FAM216A: variants seen among roughly 807,000 people sequenced by gnomAD.
FAM216A encodes family with sequence similarity 216 member A, also known as protein FAM216A.
Under a neutral mutation model 37.6 loss-of-function variants are expected in FAM216A, and 26 were observed. The observed-to-expected ratio is 0.69, with a 90% CI of 0.51 to 0.96. The LOEUF (loss-of-function observed/expected upper bound fraction) is 0.96. Ranked by LOEUF, FAM216A falls within the 40% of genes least tolerant of loss-of-function variation. The pLI is 0.00. For missense variants in FAM216A, 326 were observed against 339.3 expected (o/e 0.96, Z 0.31); for synonymous variants, 110 against 121.7 (o/e 0.90, Z 0.64).
chr12:110,469,343 T>G, intron 1 of FAM216A: 1 of 291,140 alleles, frequency 3.4e-6, no homozygotes. Context: ...GTTTGCTGTC[T>G]GGCACAGGAC....
chr12:110,488,422 AAAAAAG>A (rs1221180472), intron 6 of FAM216A, among the ~76,000 whole-genome samples: 2 of 151,732 alleles, frequency 1.3e-5, no homozygotes, highest in Non-Finnish European at 2.9e-5. Context: ...AAAAAAAAAA[AAAAAAG>A]AAAAGAAAAG....
At chr12:110,475,516 G>C (rs764255630) in intron 2 of FAM216A, among the ~76,000 whole-genome samples, 2 of 151,500 alleles carry the variant, frequency 1.3e-5, no homozygotes, top group Non-Finnish European at 2.9e-5. Flanking sequence ...TGCTGGGCAG[G>C]CATGAGCCAC....
At chr12:110,483,714 G>A (rs946101362) in intron 2 of FAM216A, among the ~76,000 whole-genome samples, 3 of 151,884 alleles carry the variant, frequency 2.0e-5, no homozygotes, top group Admixed American at 6.6e-5. Flanking sequence ...GCTACTTGGG[G>A]TGCTGAGGCA....
chr12:110,475,755 T>C (rs913287940), intron 2 of FAM216A, among the ~76,000 whole-genome samples: 1 of 150,648 alleles, frequency 6.6e-6, no homozygotes, highest in Non-Finnish European at 1.5e-5. Flanking sequence ...GGTATTTATC[T>C]TAGCTATATT....
intron 2 of FAM216A, among the ~76,000 whole-genome samples, chr12:110,476,550 G>A (rs1047507053): frequency 1.4e-5 from 2 of 148,130 alleles, no homozygotes; most frequent in Non-Finnish European, 3.0e-5. Flanking sequence ...TTTTTGAGAC[G>A]AAGTCTCACT....
chr12:110,486,722 G>A lies in FAM216A; in HGVS notation c.620+5G>A. ...GCCAGTGAGAAACAAAGAAGGGTCTGTTTCTTAGTGTAAAAGGGGGGAAAT... is the reference window on the plus strand; with the variant it reads ...GCCAGTGAGAAACAAAGAAGGGTCTATTTCTTAGTGTAAAAGGGGGGAAAT... On this transcript the variant is annotated splice_donor_5th_base_variant and intron_variant, in intron 5 of 6. Transcript: ENST00000377673. 1.9e-6 allele frequency: 3 copies of A among 1,604,476 alleles called. No homozygotes were observed. The highest frequency in any genetic ancestry group is 2.5e-6 in the Non-Finnish European group (3 of 1,176,704).
At chr12:110,478,219 C>T (rs1349245835) in intron 2 of FAM216A, among the ~76,000 whole-genome samples, 1 of 152,076 alleles carries the variant, frequency 6.6e-6, no homozygotes, top group African/African-American at 2.4e-5. Context: ...CCAGTGGGAG[C>T]CCTTTAAAGA....
At chr12:110,472,323 G>T (rs1029181585) in intron 1 of FAM216A, among the ~76,000 whole-genome samples, 1 of 152,024 alleles carries the variant, frequency 6.6e-6, no homozygotes, top group African/African-American at 2.4e-5. Context: ...CACATGGATA[G>T]CCCAGGAGCC....
At chr12:110,482,638 A>G (rs2062753729) in intron 2 of FAM216A, among the ~76,000 whole-genome samples, 1 of 151,422 alleles carries the variant, frequency 6.6e-6, no homozygotes, top group Admixed American at 6.6e-5. Flanking sequence ...TACTAAAAAT[A>G]CAAAAAATTA....
chr12:110,478,015 T>C (rs1038918220), intron 2 of FAM216A, among the ~76,000 whole-genome samples: 3 of 152,154 alleles, frequency 2.0e-5, no homozygotes, highest in Non-Finnish European at 4.4e-5. Flanking sequence ...CCATATGGAC[T>C]TTTTCTAATT....
chr12:110,479,481 G>A (rs531669776), intron 2 of FAM216A, among the ~76,000 whole-genome samples: 17 of 150,716 alleles, frequency 1.1e-4, no homozygotes, highest in South Asian at 8.3e-4. Flanking sequence ...TATTTGCTTC[G>A]TCCTAAGATG....
intron 2 of FAM216A, among the ~76,000 whole-genome samples, chr12:110,474,208 A>C (rs2062702942): frequency 6.6e-6 from 1 of 152,136 alleles, no homozygotes; most frequent in Admixed American, 6.6e-5. Flanking sequence ...ATTATAGTTC[A>C]GTGTAAAAAA....
chr12:110,480,738 A>AT (rs1436108419), intron 2 of FAM216A, among the ~76,000 whole-genome samples: 3 of 152,120 alleles, frequency 2.0e-5, no homozygotes, highest in Non-Finnish European at 2.9e-5. Flanking sequence ...CTCCGTACCT[A>AT]TAAAACACTA....
upstream of FAM216A, chr12:110,468,454 C>T (rs1409273462): frequency 3.3e-6 from 5 of 1,535,912 alleles, no homozygotes; most frequent in Admixed American, 5.9e-5. Context: ...CGTTGGGATG[C>T]TGTCTAAGCT....
At chr12:110,470,475 A>T (rs2062679121) in intron 1 of FAM216A, among the ~76,000 whole-genome samples, 1 of 135,892 alleles carries the variant, frequency 7.4e-6, no homozygotes, top group Non-Finnish European at 1.6e-5. Flanking sequence ...AGATACGTGA[A>T]TTTTTTTTTT....
At chr12:110,473,252 C>G (rs1265748666) in intron 2 of FAM216A, 134 bp downstream of exon 2, 1 of 395,258 alleles carries the variant, frequency 2.5e-6, no homozygotes, top group Non-Finnish European at 4.8e-6. Context: ...CACTCTGTTG[C>G]CTGGGCTGGA....
chr12:110,477,519 AT>A (rs1209064741), intron 2 of FAM216A, among the ~76,000 whole-genome samples: 3 of 150,014 alleles, frequency 2.0e-5, no homozygotes, highest in African/African-American at 4.9e-5. Context: ...CGCTCGCCTA[AT>A]TTTTTTGTAT....
intron 2 of FAM216A, among the ~76,000 whole-genome samples, chr12:110,475,466 T>TC (rs2062709950): frequency 6.6e-6 from 1 of 152,160 alleles, no homozygotes; most frequent in African/African-American, 2.4e-5. Flanking sequence ...GGTCTTTAAC[T>TC]CCTGACCTCA....
At chr12:110,481,141 T>C (rs759941344) in intron 2 of FAM216A, among the ~76,000 whole-genome samples, 4 of 152,158 alleles carry the variant, frequency 2.6e-5, no homozygotes, top group Non-Finnish European at 4.4e-5. Context: ...TGTTTGTATA[T>C]ACCACATTTT....
Sources: gnomAD v4.1 joint callset for allele counts (sites outside exome capture counted in the v4.1 genomes callset) on GRCh38, gnomAD v4.1.1 for gene constraint, MANE v1.5 for transcripts, NCBI Gene and HGNC (gene_info 2026-07-23, HGNC 2026-07-21) for gene names.